CRACD: variants seen among roughly 807,000 people sequenced by gnomAD.
CRACD encodes capping protein inhibiting regulator of actin dynamics, also known as capping protein-inhibiting regulator of actin dynamics.
A neutral mutation model predicts 106.8 loss-of-function variants in CRACD; 56 were observed. The observed-to-expected ratio is 0.52, with a 90% CI of 0.42 to 0.66. CRACD has a LOEUF of 0.66. Among genes scored for constraint, CRACD ranks in the 30% least tolerant of loss-of-function variants. CRACD has a pLI of 0.00. For synonymous variants in CRACD, 754 were observed against 670.8 expected, an observed-to-expected ratio of 1.12 and a Z score of -1.92; for missense variants, 1,730 against 1,623.2, an observed-to-expected ratio of 1.07 and a Z score of -1.13.
chr4:56,220,213 A>G (rs974876826), intron 2 of CRACD, among the ~76,000 whole-genome samples: 1 of 152,198 alleles, frequency 6.6e-6, no homozygotes, highest in African/African-American at 2.4e-5. Flanking sequence ...TACTTTCACC[A>G]TAAGCTGAAA....
At chr4:56,163,538 G>GCTTCATTT (rs1736032418) in intron 1 of CRACD, among the ~76,000 whole-genome samples, 1 of 151,850 alleles carries the variant, frequency 6.6e-6, no homozygotes, top group African/African-American at 2.4e-5. Context: ...TAGTTTGATT[G>GCTTCATTT]CTTCATTTTA....
intron 2 of CRACD, among the ~76,000 whole-genome samples, chr4:56,255,081 T>G (rs971150714): frequency 3.9e-5 from 5 of 126,904 alleles, no homozygotes; most frequent in Non-Finnish European, 6.2e-5. Context: ...GCCACTGCAC[T>G]CCAGCCTAAG....
chr4:56,279,189 G>A (rs1451203566), intron 3 of CRACD, among the ~76,000 whole-genome samples: 4 of 152,156 alleles, frequency 2.6e-5, no homozygotes, highest in Admixed American at 1.3e-4. Context: ...CCCAATGTCC[G>A]ACAATCCCCA....
At chr4:56,301,608 G>C (rs958610295) in intron 4 of CRACD, among the ~76,000 whole-genome samples, 4 of 151,836 alleles carry the variant, frequency 2.6e-5, no homozygotes, top group Non-Finnish European at 1.5e-5. Context: ...CCAGCCCTTC[G>C]AGTTCCTAGA....
At chr4:56,222,367 A>G (rs1314540926) in intron 2 of CRACD, among the ~76,000 whole-genome samples, 2 of 152,170 alleles carry the variant, frequency 1.3e-5, no homozygotes, top group African/African-American at 2.4e-5. Context: ...GAGTGGTATA[A>G]TGCACTTTGG....
chr4:56,112,003 T>C (rs1734138412), intron 1 of CRACD, among the ~76,000 whole-genome samples: 1 of 152,222 alleles, frequency 6.6e-6, no homozygotes, highest in South Asian at 2.1e-4. Flanking sequence ...AAAACCTTTT[T>C]TCTTTGAGAT....
intron 2 of CRACD, among the ~76,000 whole-genome samples, chr4:56,222,935 A>T (rs1739123493): frequency 6.6e-6 from 1 of 152,176 alleles, no homozygotes; most frequent in African/African-American, 2.4e-5. Flanking sequence ...AAATCACGCC[A>T]TTGCACTCCA....
At position 56,278,386 on chromosome 4, in the gene CRACD, T is replaced by C. The variant is rs185850202; in HGVS notation, c.-17+5894T>C. On this transcript the variant is annotated intron_variant, in intron 3 of 10. Transcript: ENST00000682029. Reference sequence around the variant, plus strand: ...GTGGTCAATTGATTTTCAATAAGAGTGCTAAGACAATTCAATGGGCAAAGA... The same window carrying C: ...GTGGTCAATTGATTTTCAATAAGAGCGCTAAGACAATTCAATGGGCAAAGA... Among the ~76,000 whole-genome samples, 12 of 152,254 alleles carry C rather than the reference T, an allele frequency of 7.9e-5. No homozygotes were observed. In the East Asian group the frequency reaches 2.3e-3, roughly 29 times the overall value.
At chr4:56,230,421 T>C (rs925149026) in intron 2 of CRACD, among the ~76,000 whole-genome samples, 1 of 152,206 alleles carries the variant, frequency 6.6e-6, no homozygotes, top group African/African-American at 2.4e-5. Flanking sequence ...CACTGCTATC[T>C]GTCTGTGGTG....
chr4:56,310,750 CTTAT>C lies in CRACD; in HGVS notation c.354+23_354+26del. 1 of 1,553,154 alleles carries C rather than the reference CTTAT, an allele frequency of 6.4e-7. No individual in the cohort carries two copies. Among genetic ancestry groups the C allele is most frequent in the Non-Finnish European group, 8.9e-7 (1 of 1,125,420 alleles). On this transcript the variant is annotated intron_variant, in intron 6 of 10. Coordinates refer to ENST00000682029, the MANE Select transcript of CRACD (RefSeq NM_001393381.1). ...GGAAGAGAAGGTAATATGATTTGAA[CTTAT>C]TTATTTGGCTTCTTTCCTTACTTAA...
intron 1 of CRACD, among the ~76,000 whole-genome samples, chr4:56,052,906 G>A (rs565226731): frequency 6.6e-6 from 1 of 152,214 alleles, no homozygotes; most frequent in East Asian, 1.9e-4. Flanking sequence ...ACCCATTGTG[G>A]TACATCTTTT....
intron 4 of CRACD, among the ~76,000 whole-genome samples, chr4:56,303,713 C>T (rs930630139): frequency 4.6e-5 from 7 of 152,188 alleles, no homozygotes; most frequent in Non-Finnish European, 1.0e-4. Context: ...CCTGTAGGGG[C>T]GAGGCCTTGG....
intron 2 of CRACD, among the ~76,000 whole-genome samples, chr4:56,197,738 T>C (rs1737677481): frequency 6.6e-6 from 1 of 151,872 alleles, no homozygotes; most frequent in South Asian, 2.1e-4. Flanking sequence ...AGTGCAGTGG[T>C]GGGATCTCTG....
intron 4 of CRACD, among the ~76,000 whole-genome samples, chr4:56,300,078 C>A (rs1744279222): frequency 6.6e-6 from 1 of 151,926 alleles, no homozygotes; most frequent in African/African-American, 2.4e-5. Context: ...GTGGAGGTTG[C>A]AGTGAGCCAG....
chr4:56,316,511 G>A lies in CRACD; in HGVS notation c.3009G>A (p.Pro1003=), dbSNP rs369933689. ...GGCCGGACCCAGAGCCAAGTGAGCC[G>A]TCCAAGGAGGACCAGGAGAGCAGTG... ...AGRPDPEPSE[P]SKEDQESSDR... The change falls in exon 8 of 11, where the codon CCG becomes CCA. Residue 1003 remains proline (P), a synonymous_variant. Transcript: ENST00000682029. The A allele has an allele frequency of 2.2e-5, 35 of 1,613,532 alleles. No homozygotes were observed. Among genetic ancestry groups the A allele is most frequent in the Non-Finnish European group, 2.7e-5 (32 of 1,179,740 alleles).
At chr4:56,227,775 C>G (rs542755328) in intron 2 of CRACD, among the ~76,000 whole-genome samples, 14 of 152,298 alleles carry the variant, frequency 9.2e-5, no homozygotes, top group African/African-American at 3.4e-4. Flanking sequence ...AATGAGTGCT[C>G]TTTCTCATGA....
chr4:56,129,821 AG>A (rs1734769078), intron 1 of CRACD, among the ~76,000 whole-genome samples: 1 of 152,234 alleles, frequency 6.6e-6, no homozygotes, highest in African/African-American at 2.4e-5. Context: ...AGAAGCACAA[AG>A]AAAAAATGTG....
intron 1 of CRACD, among the ~76,000 whole-genome samples, chr4:56,109,079 C>T (rs928260071): frequency 1.3e-5 from 2 of 152,156 alleles, no homozygotes; most frequent in African/African-American, 4.8e-5. Flanking sequence ...TGGGTGCCTT[C>T]CCAGACACTG....
chr4:56,072,252 A>T (rs1732686877), intron 1 of CRACD, among the ~76,000 whole-genome samples: 1 of 152,170 alleles, frequency 6.6e-6, no homozygotes, highest in East Asian at 1.9e-4. Context: ...ACTCTCATAA[A>T]TTCTTTTGAC....
Sources: allele counts gnomAD v4.1 joint callset (sites outside exome capture counted in the v4.1 genomes callset), GRCh38; gene constraint gnomAD v4.1.1; transcripts MANE v1.5; gene names NCBI Gene and HGNC (gene_info 2026-07-23, HGNC 2026-07-21).